The following COL21A1 variants were observed in gnomAD, a reference collection of about 807,000 sequenced individuals.
COL21A1 encodes the protein collagen type XXI alpha 1 chain.
In COL21A1, 149 loss-of-function variants were observed where a neutral mutation model predicts 137.9. The ratio of observed to expected loss-of-function variants is 1.08; its 90% CI spans 0.95 to 1.24. COL21A1 has a LOEUF of 1.24. Among genes scored for constraint, COL21A1 ranks in the 50% most tolerant of loss-of-function variants. The pLI is 0.00. For synonymous variants in COL21A1, 456 were observed against 391.5 expected (o/e 1.16, Z -1.95); for missense variants, 1,167 against 1,158.4 (o/e 1.01, Z -0.11).
chr6:56,153,785 A>G (rs1051908321), intron 10 of COL21A1, among the ~76,000 whole-genome samples: 2 of 152,006 alleles, frequency 1.3e-5, no homozygotes, highest in Non-Finnish European at 2.9e-5. Context: ...CTCCCATCTC[A>G]CCGATAAGTC....
At chr6:56,384,037 A>T (rs2094013321) in intron 1 of COL21A1, among the ~76,000 whole-genome samples, 1 of 152,106 alleles carries the variant, frequency 6.6e-6, no homozygotes, top group Non-Finnish European at 1.5e-5. Context: ...CCCCCTTCGC[A>T]CTAATTTGTG....
intron 13 of COL21A1, among the ~76,000 whole-genome samples, chr6:56,125,835 GT>G (rs1773012813): frequency 6.6e-6 from 1 of 151,860 alleles, no homozygotes; most frequent in Non-Finnish European, 1.5e-5. Context: ...AAGGCTTATA[GT>G]TTAAGGCCTA....
At chr6:56,257,096 AAAGCAG>A (rs1782991066) in intron 1 of COL21A1, among the ~76,000 whole-genome samples, 1 of 152,212 alleles carries the variant, frequency 6.6e-6, no homozygotes. Context: ...GGATGTGTCA[AAAGCAG>A]AAGCTGAATA....
intron 1 of COL21A1, among the ~76,000 whole-genome samples, chr6:56,198,604 G>A (rs1388698624): frequency 1.3e-5 from 2 of 152,006 alleles, no homozygotes; most frequent in Non-Finnish European, 2.9e-5. Context: ...ACAATCCATA[G>A]ACCAATGAAT....
rs555401022 is a variant in COL21A1 at position 56,337,243 on chromosome 6, C to T, written c.-39+56728G>A. ...TTTAGAATGGGTATCTGAAGGGCTC[C>T]ACCACATAATAATGAAAATTGCTGT... On this transcript the variant is annotated intron_variant, in intron 1 of 28. Transcript: ENST00000370819. Among the ~76,000 whole-genome samples the T allele has an allele frequency of 1.1e-4, 17 of 152,236 alleles. No individual in the cohort carries two copies. In the South Asian group the frequency reaches 3.3e-3, roughly 30 times the overall value.
At chr6:56,356,855 T>C (rs556683901) in intron 1 of COL21A1, among the ~76,000 whole-genome samples, 1 of 149,818 alleles carries the variant, frequency 6.7e-6, no homozygotes, top group African/African-American at 2.4e-5. Flanking sequence ...TTCGATGATT[T>C]TGGTACAGGA....
chr6:56,270,074 A>T (rs1324408687), intron 1 of COL21A1, among the ~76,000 whole-genome samples: 1 of 152,216 alleles, frequency 6.6e-6, no homozygotes, highest in Admixed American at 6.5e-5. Context: ...AAAATTTCAC[A>T]TATCAATACT....
chr6:56,145,265 T>C (rs1774746650), intron 10 of COL21A1, among the ~76,000 whole-genome samples: 1 of 152,210 alleles, frequency 6.6e-6, no homozygotes, highest in African/African-American at 2.4e-5. Flanking sequence ...AATAAGTGCT[T>C]CTCACAATTT....
chr6:56,183,685 T>G (rs545006008), intron 1 of COL21A1, among the ~76,000 whole-genome samples: 1 of 152,166 alleles, frequency 6.6e-6, no homozygotes, highest in Non-Finnish European at 1.5e-5. Flanking sequence ...GCAAGAAATT[T>G]TTATTCCTGA....
chr6:56,328,250 C>T (rs552631892), intron 1 of COL21A1, among the ~76,000 whole-genome samples: 4 of 151,946 alleles, frequency 2.6e-5, no homozygotes, highest in African/African-American at 9.7e-5. Context: ...GAGTTCTTTC[C>T]CATTAAAAAC....
chr6:56,084,522 CT>C (rs966427008), intron 17 of COL21A1, among the ~76,000 whole-genome samples: 17 of 151,760 alleles, frequency 1.1e-4, no homozygotes, highest in African/African-American at 3.9e-4. Context: ...AACTTCTATA[CT>C]TTTTGAGTAC....
In COL21A1 at chr6:56,125,610, C is replaced by A; in HGVS notation, c.1607G>T (p.Gly536Val). The A allele has an allele frequency of 6.3e-7, 1 of 1,585,876 alleles. No individual in the cohort carries two copies. The highest frequency in any genetic ancestry group is 8.6e-7 in the Non-Finnish European group (1 of 1,161,898). ...HGMPGSKGEMGAKGDKGSPGF... is the reference protein window; with the variant it reads ...HGMPGSKGEMVAKGDKGSPGF... ...AGGTGATCCTTTGTCTCCTTTGGCA[C>A]CCATTTCACCCTAAAAGACAAAATA... Residue 536 changes from glycine (G) to valine (V), a missense_variant, in exon 14 of 30, where the codon GGT becomes GTT. Coordinates refer to ENST00000244728, the MANE Select transcript of COL21A1 (RefSeq NM_030820.4).
At chr6:56,324,715 C>T (rs971762566) in intron 1 of COL21A1, among the ~76,000 whole-genome samples, 3 of 151,902 alleles carry the variant, frequency 2.0e-5, no homozygotes, top group Non-Finnish European at 4.4e-5. Flanking sequence ...ACACTCTACA[C>T]GAATATCTAA....
At chr6:56,199,453 A>G (rs1353751163) in intron 1 of COL21A1, among the ~76,000 whole-genome samples, 1 of 152,130 alleles carries the variant, frequency 6.6e-6, no homozygotes, top group Non-Finnish European at 1.5e-5. Flanking sequence ...TCCAGATTAT[A>G]GAGTTAACAC....
rs142442414 is a variant in COL21A1 at position 56,114,419 on chromosome 6, A to G, written c.1758+9643T>C. ...TTTTAATTGTGATGTTAGGGTGTCA[A>G]TTTTGGATCTTTCCTGCTTTCTCTT... On this transcript the variant is annotated intron_variant, in intron 16 of 29. Transcript: ENST00000244728. 5.3e-3 allele frequency among the ~76,000 whole-genome samples: 813 copies of G among 152,284 alleles called. 17 individuals carry two copies. Among genetic ancestry groups the G allele is most frequent in the East Asian group, 3.5e-3 (18 of 5,184 alleles).
At chr6:56,087,768 A>G (rs1447719046) in intron 17 of COL21A1, among the ~76,000 whole-genome samples, 1 of 152,142 alleles carries the variant, frequency 6.6e-6, no homozygotes, top group East Asian at 1.9e-4. Context: ...TTCCTTACTA[A>G]TAAATGTCCT....
Position 56,067,339 on chromosome 6 carries a change from A to C in COL21A1, c.2092-9T>G. 2 of 1,607,470 alleles carry C rather than the reference A, an allele frequency of 1.2e-6. No homozygotes were observed. The highest frequency in any genetic ancestry group is 1.1e-5 in the South Asian group (1 of 90,680). On this transcript the variant is annotated splice_polypyrimidine_tract_variant and intron_variant, in intron 22 of 29. Coordinates refer to ENST00000244728, the MANE Select transcript of COL21A1 (RefSeq NM_030820.4). ...TGATTTCCTTTGTCCCCCTACAAAAAGGCAGTTTGATCTGTATCATAATCT... is the reference window on the plus strand; with the variant it reads ...TGATTTCCTTTGTCCCCCTACAAAACGGCAGTTTGATCTGTATCATAATCT...
intron 1 of COL21A1, among the ~76,000 whole-genome samples, chr6:56,316,406 A>C (rs1264742006): frequency 6.7e-6 from 1 of 150,152 alleles, no homozygotes; most frequent in Non-Finnish European, 1.5e-5. Context: ...ATGGAGTCAA[A>C]TTATAATTTT....
chr6:56,203,738 G>A lies in COL21A1; in HGVS notation c.-38-21082C>T, dbSNP rs147110148. 8.2e-3 allele frequency among the ~76,000 whole-genome samples: 1,247 copies of A among 152,308 alleles called. 20 individuals are homozygous for A. Among genetic ancestry groups the A allele is most frequent in the African/African-American group, 0.029 (1,203 of 41,564 alleles). ...CCAGCAAGATCAACACAGAAGGTGG[G>A]TGATTTCTGCATTTCCAACTGAGGT... On this transcript the variant is annotated intron_variant, in intron 1 of 29. Transcript: ENST00000244728.
Sources: gnomAD v4.1 joint callset for allele counts (sites outside exome capture counted in the v4.1 genomes callset) on GRCh38, gnomAD v4.1.1 for gene constraint, MANE v1.5 for transcripts, NCBI Gene and HGNC (gene_info 2026-07-23, HGNC 2026-07-21) for gene names.